TBX3: variants seen among roughly 807,000 people sequenced by gnomAD.
TBX3 encodes T-box transcription factor 3, also known as T-box transcription factor TBX3.
A neutral mutation model predicts 47.8 loss-of-function variants in TBX3; 11 were observed. The ratio of observed to expected loss-of-function variants is 0.23; its 90% CI spans 0.14 to 0.38. The LOEUF (loss-of-function observed/expected upper bound fraction) is 0.38. TBX3 is among the 10% of genes least tolerant of loss of function. TBX3 has a pLI of 1.00. For synonymous variants in TBX3, 500 were observed against 449.3 expected (o/e 1.11, Z -1.43); for missense variants, 927 against 1,022.8 (o/e 0.91, Z 1.28).
At position 114,679,354 on chromosome 12, in the gene TBX3, T is replaced by C. The variant is rs534904362; in HGVS notation, c.804+151A>G. ...GTTTTTCTGTCTCCTCGAGGTGTCA[T>C]TGTCCTTTCCCCCCAAATGCTCCAC... On this transcript the variant is annotated intron_variant, in intron 3 of 6. Coordinates refer to ENST00000349155, the MANE Select transcript of TBX3 (RefSeq NM_005996.4). 1.8e-4 allele frequency: 195 copies of C among 1,110,516 alleles called. 1 individual carries two copies. In the African/African-American group the frequency reaches 2.6e-3, roughly 15 times the overall value. 68.8% of individuals were successfully genotyped at this position (1,110,516 alleles called of 1,614,324 possible). A position where few individuals can be genotyped will look rare whatever the true frequency, so the allele number is the denominator to read the frequency against.
chr12:114,672,209 A>T lies in TBX3; in HGVS notation c.1804T>A (p.Ser602Thr). 1.1e-5 allele frequency: 17 copies of T among 1,572,358 alleles called. No individual in the cohort carries two copies. Among genetic ancestry groups the T allele is most frequent in the Non-Finnish European group, 1.5e-5 (17 of 1,159,644 alleles). ...AAASSAAASS[S>T]VHRHPFLNLN... ...TTGAGGAAGGGGTGGCGGTGCACCG[A>T]GCTGGAGGCTGCCGCAGAGGAGGCG... Residue 602 changes from serine (S) to threonine (T), a missense_variant, in exon 7 of 7, where the codon TCG becomes ACG. This residue lies in a region of TBX3 where 623 missense variants were observed against 569.0 expected (regional missense o/e 1.09). Coordinates refer to ENST00000349155, the MANE Select transcript of TBX3 (RefSeq NM_005996.4).
chr12:114,680,972 C>G lies in TBX3; in HGVS notation c.564G>C (p.Pro188=), dbSNP rs761461348. ...ACTGTTCCCCAGTAGCGGGGCTGTC[C>G]GGGTGAATGTACATCCTCTTTGGCA... ...PEMPKRMYIH[P]DSPATGEQWM... The change falls in exon 2 of 7, where the codon CCG becomes CCC. Residue 188 remains proline (P), a synonymous_variant. Transcript: ENST00000349155. The G allele has an allele frequency of 1.1e-4, 183 of 1,613,858 alleles. No individual in the cohort carries two copies. The highest frequency in any genetic ancestry group is 1.4e-4 in the Non-Finnish European group (165 of 1,180,016).
At position 114,674,493 on chromosome 12, in the gene TBX3, G is replaced by T. The variant is rs772493303; in HGVS notation, c.1382C>A (p.Pro461Gln). 6 of 1,517,146 alleles carry T rather than the reference G, an allele frequency of 4.0e-6. No homozygotes were observed. Among genetic ancestry groups the T allele is most frequent in the South Asian group, 3.8e-5 (3 of 78,740 alleles). The allele number at this position is 1,517,146 out of a possible 1,614,324, so 94.0% of individuals were successfully genotyped here. Residue 461 changes from proline (P) to glutamine (Q), a missense_variant, in exon 6 of 7, where the codon CCG becomes CAG. Physicochemically the swap from Pro to Gln is moderately conservative, Grantham distance 76. This residue lies in a region of TBX3 where 623 missense variants were observed against 569.0 expected (regional missense o/e 1.09). Transcript: ENST00000349155. ...RALPGKEAFAPLTVQTDAAAA... is the reference protein window; with the variant it reads ...RALPGKEAFAQLTVQTDAAAA... Reference sequence around the variant, plus strand: ...GGCCGCGTCCGTCTGCACCGTGAGCGGCGCGAAGGCCTCCTTGCCCGGGAG... The same window carrying T: ...GGCCGCGTCCGTCTGCACCGTGAGCTGCGCGAAGGCCTCCTTGCCCGGGAG...
chr12:114,682,261 T>C (rs1331146400), intron 1 of TBX3, among the ~76,000 whole-genome samples: 3 of 152,088 alleles, frequency 2.0e-5, no homozygotes, highest in Non-Finnish European at 4.4e-5. Flanking sequence ...ACACGTGAAG[T>C]AGTGTGGGCA....
At chr12:114,680,330 C>T (rs569304439) in intron 2 of TBX3, 31 of 330,930 alleles carry the variant, frequency 9.4e-5, no homozygotes, top group African/African-American at 6.4e-4. Context: ...TCCATATATA[C>T]ACTCCCAACA....
chr12:114,679,607 A>G lies in TBX3; in HGVS notation c.702T>C (p.Ile234=). 1.2e-6 allele frequency: 2 copies of G among 1,614,188 alleles called. No homozygotes were observed. Among genetic ancestry groups the G allele is most frequent in the Non-Finnish European group, 1.7e-6 (2 of 1,180,008 alleles). ...GTTTCAAGATGTCATTGGCTCTTAC[A>G]ATGTGGAACCGGGGCTGGTATTTGT... ...SMHKYQPRFH[I]VRANDILKLP... The change falls in exon 3 of 7, where the codon ATT becomes ATC. Residue 234 remains isoleucine (I), a synonymous_variant. Transcript: ENST00000349155.
rs560756431 is a variant in TBX3, at chr12:114,676,054, C to T, written c.1039+259G>A. ...AAGCTGCTTGCCAAGAGGTAGTATG[C>T]AAACAGACACCCACCTCCCCTCCCC... On this transcript the variant is annotated intron_variant, in intron 5 of 6. Coordinates refer to ENST00000349155, the MANE Select transcript of TBX3 (RefSeq NM_005996.4). Among the ~76,000 whole-genome samples, 11 of 152,276 alleles carry T rather than the reference C, an allele frequency of 7.2e-5. No homozygotes were observed. In the South Asian group the frequency reaches 2.3e-3, roughly 32 times the overall value.
At chr12:114,677,130 C>T (rs1249579848) in intron 4 of TBX3, among the ~76,000 whole-genome samples, 5 of 152,080 alleles carry the variant, frequency 3.3e-5, no homozygotes, top group Non-Finnish European at 5.9e-5. Context: ...CAGCTGTCTA[C>T]GTAATGCAAA....
intron 4 of TBX3, among the ~76,000 whole-genome samples, chr12:114,677,146 A>G (rs1042713878): frequency 2.0e-5 from 3 of 152,194 alleles, no homozygotes; most frequent in African/African-American, 7.2e-5. Flanking sequence ...GCAAAATGAT[A>G]CATGTCCCCA....
Position 114,671,782 on chromosome 12 carries a change from C to A in TBX3, c.*59G>T, listed in dbSNP as rs1036658223. On this transcript the variant is annotated 3_prime_UTR_variant, in exon 7 of 7. Transcript: ENST00000349155. The stretch of plus-strand genomic sequence containing the variant: ...GCGGGCCCGTGGTTTATTTTATATC[C>A]GACAAAGTGCACGGCAGCCTGAACT... 4 of 1,542,678 alleles carry A rather than the reference C, an allele frequency of 2.6e-6. No homozygotes were observed. The African/African-American group carries it at 5.5e-5, about 21-fold the overall frequency.
In TBX3 at chr12:114,674,798, G is replaced by A. The variant is rs1275776407; in HGVS notation, c.1077C>T (p.Ala359=). The A allele has an allele frequency of 6.3e-7, 1 of 1,582,144 alleles. No homozygotes were observed. Among genetic ancestry groups the A allele is most frequent in the Non-Finnish European group, 8.5e-7 (1 of 1,169,774 alleles). ...CPSEGESDAE[A]ESKEEHGPEA... is the part of the protein sequence containing the mutation. ...CGGGGCCATGCTCCTCTTTGCTCTC[G>A]GCCTCGGCGTCGCTCTCACCCTCGC... The change falls in exon 6 of 7, where the codon GCC becomes GCT. Residue 359 remains alanine, a synonymous_variant. Coordinates refer to ENST00000349155, the MANE Select transcript of TBX3 (RefSeq NM_005996.4).
In TBX3 at chr12:114,676,364, C is replaced by T. The variant is rs773465537; in HGVS notation, c.988G>A (p.Ala330Thr). The change falls in exon 5 of 7, where the codon GCC (alanine) becomes ACC (threonine). Residue 330 changes from alanine to threonine, a missense_variant. Ala to Thr is a moderately conservative substitution (Grantham distance 58). Transcript: ENST00000349155. ...GAGGCGGCTGGAGAAGAAGCCTGGGCGAAGCAGTTGAAAGCTGCTTGTTCA... is the reference window on the plus strand; with the variant it reads ...GAGGCGGCTGGAGAAGAAGCCTGGGTGAAGCAGTTGAAAGCTGCTTGTTCA... ...SSEQAAFNCF[A>T]QASSPAASTV... The T allele has an allele frequency of 1.1e-5, 18 of 1,614,054 alleles. No individual in the cohort carries two copies. The highest frequency in any genetic ancestry group is 2.2e-5 in the East Asian group (1 of 44,890).
At chr12:114,675,890 A>G (rs1249587176) in intron 5 of TBX3, among the ~76,000 whole-genome samples, 1 of 150,958 alleles carries the variant, frequency 6.6e-6, no homozygotes, top group Non-Finnish European at 1.5e-5. Context: ...CTTCCCCCCC[A>G]CCCAGTCCAA....
At chr12:114,676,934 A>C (rs1868735472) in intron 4 of TBX3, among the ~76,000 whole-genome samples, 1 of 152,244 alleles carries the variant, frequency 6.6e-6, no homozygotes, top group African/African-American at 2.4e-5. Flanking sequence ...TGGTTATTTC[A>C]TGCTGCACTT....
chr12:114,680,924 G>C lies in TBX3; in HGVS notation c.612C>G (p.Phe204Leu), dbSNP rs1452419195. 1 of 1,614,058 alleles carries C rather than the reference G, an allele frequency of 6.2e-7. No individual in the cohort carries two copies. Among genetic ancestry groups the C allele is most frequent in the Non-Finnish European group, 8.5e-7 (1 of 1,180,028 alleles). ...GEQWMSKVVT[F>L]HKLKLTNNIS... Reference sequence around the variant, plus strand: ...TGTTGTTGGTGAGTTTCAGTTTGTGGAAAGTGACGACTTTGGACATCCACT... The same window carrying C: ...TGTTGTTGGTGAGTTTCAGTTTGTGCAAAGTGACGACTTTGGACATCCACT... The change falls in exon 2 of 7, where the codon TTC (phenylalanine) becomes TTG (leucine). Residue 204 changes from phenylalanine to leucine, a missense_variant. Physicochemically the swap from Phe to Leu is conservative, Grantham distance 22. Around this residue, in one of 5 missense-constraint regions of TBX3, gnomAD observed 216 missense variants for 281.2 expected, o/e 0.77. Transcript: ENST00000349155.
chr12:114,674,249 G>A lies in TBX3; in HGVS notation c.1626C>T (p.Ala542=). The change falls in exon 6 of 7, where the codon GCC becomes GCT. Residue 542 remains alanine (A), a synonymous_variant. Coordinates refer to ENST00000349155, the MANE Select transcript of TBX3 (RefSeq NM_005996.4). ...GVSGLDSTAM[A]SAAAAQGLSG... is the part of the protein sequence containing the mutation. ...ACAGTCCCTGCGCCGCAGCGGCAGAGGCCATGGCCGTGGAATCCAGGCCCG... is the reference window on the plus strand; with the variant it reads ...ACAGTCCCTGCGCCGCAGCGGCAGAAGCCATGGCCGTGGAATCCAGGCCCG... 6.3e-7 allele frequency: 1 copy of A among 1,576,298 alleles called. No individual in the cohort carries two copies. Among genetic ancestry groups the A allele is most frequent in the Non-Finnish European group, 8.6e-7 (1 of 1,161,404 alleles).
At chr12:114,676,561 CCTCA>C in intron 4 of TBX3, 91 bp from the exon 5 acceptor site, 1 of 1,527,396 alleles carries the variant, frequency 6.5e-7, no homozygotes, top group Non-Finnish European at 9.0e-7. Context: ...CACACACATA[CCTCA>C]CACCCTGCCT....
intron 2 of TBX3, chr12:114,680,222 T>G (rs1180650151): frequency 3.7e-6 from 2 of 534,346 alleles, no homozygotes; most frequent in Non-Finnish European, 6.7e-6. Context: ...TTTATTTTAT[T>G]GAAATGTTGG....
At position 114,674,460 on chromosome 12, in the gene TBX3, T is replaced by C; in HGVS notation, c.1415A>G (p.His472Arg). 1 of 1,543,450 alleles carries C rather than the reference T, an allele frequency of 6.5e-7. No homozygotes were observed. The highest frequency in any genetic ancestry group is 8.7e-7 in the Non-Finnish European group (1 of 1,144,212). The change falls in exon 6 of 7, where the codon CAC becomes CGC. Residue 472 changes from histidine to arginine, a missense_variant. Physicochemically the swap from His to Arg is conservative, Grantham distance 29. Around this residue, in one of 5 missense-constraint regions of TBX3, gnomAD observed 623 missense variants for 569.0 expected, o/e 1.09. Transcript: ENST00000349155. ...LTVQTDAAAA[H>R]LAQGPLPGLG... ...GCCAGGCAGGGGGCCCTGGGCCAGGTGCGCGGCGGCCGCGTCCGTCTGCAC... is the reference window on the plus strand; with the variant it reads ...GCCAGGCAGGGGGCCCTGGGCCAGGCGCGCGGCGGCCGCGTCCGTCTGCAC...
Sources: allele counts gnomAD v4.1 joint callset (sites outside exome capture counted in the v4.1 genomes callset), GRCh38; gene constraint gnomAD v4.1.1; regional missense constraint gnomAD v4.1.1; transcripts MANE v1.5; gene names NCBI Gene and HGNC (gene_info 2026-07-23, HGNC 2026-07-21).